The following RBFOX1 variants were observed in gnomAD, a reference collection of about 807,000 sequenced individuals.
RBFOX1 encodes the protein RNA binding protein fox-1 homolog 1.
A neutral mutation model predicts 57.7 loss-of-function variants in RBFOX1; 8 were observed. That is an observed-to-expected ratio of 0.14 (90% confidence interval 0.08 to 0.25). The LOEUF is 0.25. Among genes scored for constraint, RBFOX1 ranks in the 10% least tolerant of loss-of-function variants. The pLI, the probability that RBFOX1 is intolerant of heterozygous loss-of-function variation, is 1.00. For missense variants in RBFOX1, 611 were observed against 548.5 expected (o/e 1.11, Z -1.14); for synonymous variants, 326 against 222.4 (o/e 1.47, Z -4.15).
intron 4 of RBFOX1, among the ~76,000 whole-genome samples, chr16:7,351,017 C>T (rs529980646): frequency 2.6e-5 from 4 of 152,214 alleles, no homozygotes; most frequent in African/African-American, 9.6e-5. Flanking sequence ...TATGGTGTGC[C>T]ATGTGCCCAT....
chr16:5,881,166 A>G (rs976989829), intron 4 of RBFOX1, among the ~76,000 whole-genome samples: 1 of 152,202 alleles, frequency 6.6e-6, no homozygotes, highest in Non-Finnish European at 1.5e-5. Flanking sequence ...AGAATCTTGG[A>G]TCCCCAGTGA....
chr16:5,784,712 T>C (rs1354886249), intron 3 of RBFOX1, among the ~76,000 whole-genome samples: 1 of 152,138 alleles, frequency 6.6e-6, no homozygotes, highest in Non-Finnish European at 1.5e-5. Flanking sequence ...CAGGGGTAAT[T>C]AAATCATGAG....
At chr16:7,045,801 G>A (rs924574152) in intron 3 of RBFOX1, among the ~76,000 whole-genome samples, 4 of 151,954 alleles carry the variant, frequency 2.6e-5, no homozygotes, top group East Asian at 3.9e-4. Context: ...GACTACAGGC[G>A]CATTCCACCA....
chr16:6,023,659 G>C (rs1008520324), intron 1 of RBFOX1, among the ~76,000 whole-genome samples: 1 of 152,244 alleles, frequency 6.6e-6, no homozygotes, highest in Non-Finnish European at 1.5e-5. Flanking sequence ...CTGAAGGACA[G>C]AGGGCAGCTC....
At chr16:5,705,783 C>T (rs957475288) in intron 3 of RBFOX1, among the ~76,000 whole-genome samples, 2 of 152,180 alleles carry the variant, frequency 1.3e-5, no homozygotes, top group African/African-American at 4.8e-5. Context: ...CCTGGGATAC[C>T]GCATCTGTGT....
At chr16:5,778,689 C>G (rs1277435879) in intron 3 of RBFOX1, among the ~76,000 whole-genome samples, 1 of 152,114 alleles carries the variant, frequency 6.6e-6, no homozygotes, top group Non-Finnish European at 1.5e-5. Context: ...CCATCTCATA[C>G]TATTTAGGGT....
chr16:6,216,597 C>T (rs957236857), intron 1 of RBFOX1, among the ~76,000 whole-genome samples: 1 of 152,314 alleles, frequency 6.6e-6, no homozygotes, highest in East Asian at 1.9e-4. Context: ...AAGTATCCAA[C>T]AAACTCAAAT....
At chr16:6,086,306 G>C (rs1469372583) in intron 1 of RBFOX1, among the ~76,000 whole-genome samples, 2 of 152,156 alleles carry the variant, frequency 1.3e-5, no homozygotes, top group African/African-American at 4.8e-5. Flanking sequence ...TTCCCCGACT[G>C]TGTTATTTGC....
At chr16:5,756,935 C>T (rs1278715984) in intron 3 of RBFOX1, among the ~76,000 whole-genome samples, 4 of 152,050 alleles carry the variant, frequency 2.6e-5, no homozygotes, top group Non-Finnish European at 5.9e-5. Flanking sequence ...AGGATAAAGC[C>T]CTTAACTGTA....
At chr16:5,619,356 G>A (rs1440765353) in intron 3 of RBFOX1, among the ~76,000 whole-genome samples, 3 of 152,144 alleles carry the variant, frequency 2.0e-5, no homozygotes, top group Admixed American at 6.5e-5. Flanking sequence ...GGACGGGCAT[G>A]TTCAACATGA....
intron 5 of RBFOX1, among the ~76,000 whole-genome samples, chr16:7,572,497 C>A (rs560548284): frequency 6.6e-6 from 1 of 152,062 alleles, no homozygotes; most frequent in African/African-American, 2.4e-5. Flanking sequence ...GGGTGGAGGC[C>A]AGTGATGCTG....
chr16:6,637,631 A>C (rs1429691549), intron 2 of RBFOX1, among the ~76,000 whole-genome samples: 3 of 126,936 alleles, frequency 2.4e-5, no homozygotes, highest in African/African-American at 5.6e-5. Context: ...AAAAGGTTGA[A>C]ACTCTAAAGT....
intron 1 of RBFOX1, among the ~76,000 whole-genome samples, chr16:6,168,106 A>G (rs2096931071): frequency 6.6e-6 from 1 of 152,168 alleles, no homozygotes; most frequent in South Asian, 2.1e-4. Flanking sequence ...ATGGGGGCAC[A>G]CGCAGATTTG....
intron 3 of RBFOX1, among the ~76,000 whole-genome samples, chr16:5,794,641 G>A (rs1379681897): frequency 6.6e-6 from 1 of 152,174 alleles, no homozygotes; most frequent in Admixed American, 6.5e-5. Flanking sequence ...GTGGATGGGG[G>A]ATGCAGCTGG....
At chr16:6,932,288 G>A (rs1383942438) in intron 3 of RBFOX1, among the ~76,000 whole-genome samples, 10 of 151,982 alleles carry the variant, frequency 6.6e-5, no homozygotes, top group Admixed American at 2.0e-4. Context: ...TGAATTTTCA[G>A]TAGAGACGGG....
chr16:6,910,406 A>G (rs1024843829), intron 3 of RBFOX1, among the ~76,000 whole-genome samples: 14 of 152,130 alleles, frequency 9.2e-5, no homozygotes, highest in Non-Finnish European at 1.8e-4. Flanking sequence ...CTTTAACTTT[A>G]TCTCAGGAAT....
intron 3 of RBFOX1, among the ~76,000 whole-genome samples, chr16:6,677,237 C>G (rs971294935): frequency 2.0e-5 from 3 of 152,110 alleles, no homozygotes; most frequent in Admixed American, 6.5e-5. Context: ...TTTCCGTGCT[C>G]TAGAGACCAT....
chr16:5,564,860 C>G (rs1242233384), intron 2 of RBFOX1, among the ~76,000 whole-genome samples: 1 of 152,154 alleles, frequency 6.6e-6, no homozygotes, highest in Non-Finnish European at 1.5e-5. Context: ...GGCATCTCAC[C>G]TCTTGGATGA....
intron 5 of RBFOX1, among the ~76,000 whole-genome samples, chr16:7,529,798 C>T (rs766254524): frequency 1.3e-5 from 2 of 152,004 alleles, no homozygotes; most frequent in East Asian, 3.9e-4. Flanking sequence ...CACTTGAGGT[C>T]AGGAGTTCGA....
Sources: allele counts gnomAD v4.1 joint callset (sites outside exome capture counted in the v4.1 genomes callset), GRCh38; gene constraint gnomAD v4.1.1; transcripts MANE v1.5; gene names NCBI Gene and HGNC (gene_info 2026-07-23, HGNC 2026-07-21).